NLN: variants seen among roughly 807,000 people sequenced by gnomAD.
The protein encoded by NLN is neurolysin.
NLN carries 64 observed loss-of-function variants against 79.9 expected under a neutral mutation model. The observed-to-expected ratio is 0.80, with a 90% CI of 0.65 to 0.99. The LOEUF (loss-of-function observed/expected upper bound fraction) is 0.99, where lower values mean the gene tolerates loss of function less well. Ranked by LOEUF, NLN falls within the 50% of genes least tolerant of loss-of-function variation. The pLI is 0.00. For missense variants in NLN, 835 were observed against 858.7 expected (o/e 0.97, Z 0.34); for synonymous variants, 267 against 296.6 (o/e 0.90, Z 1.02).
At chr5:65,819,070 T>A (rs1760735958) in intron 12 of NLN, 2 of 152,232 alleles carry the variant, frequency 1.3e-5, no homozygotes, top group African/African-American at 4.8e-5. Flanking sequence ...CTCTCCCACT[T>A]AATATTTCTA....
At chr5:65,725,199 A>G (rs566818690) in intron 1 of NLN, among the ~76,000 whole-genome samples, 5 of 152,202 alleles carry the variant, frequency 3.3e-5, no homozygotes, top group Non-Finnish European at 7.3e-5. Context: ...AAGCTGCTGC[A>G]CTGTTTCATT....
Position 65,792,437 on chromosome 5 carries a change from G to A in NLN, c.1326-17G>A, listed in dbSNP as rs549429265. ...GAGAATTTTCCTATGTTGCCAACGCGTGTTTCTGGCTCCTAGGGAAGGAAA... is the reference window on the plus strand; with the variant it reads ...GAGAATTTTCCTATGTTGCCAACGCATGTTTCTGGCTCCTAGGGAAGGAAA... On this transcript the variant is annotated splice_polypyrimidine_tract_variant and intron_variant, in intron 8 of 12. Transcript: ENST00000380985. The A allele has an allele frequency of 6.9e-6, 11 of 1,591,794 alleles. No individual in the cohort carries two copies. Among genetic ancestry groups the A allele is most frequent in the South Asian group, 3.3e-5 (3 of 90,342 alleles).
In NLN at chr5:65,823,574, CA is replaced by C. The variant is rs1760847763; in HGVS notation, c.*660del. On this transcript the variant is annotated 3_prime_UTR_variant, in exon 13 of 13. Coordinates refer to ENST00000380985, the MANE Select transcript of NLN (RefSeq NM_020726.5). ...CAAAGAGTATCAAAAAATTATGTTT[CA>C]GCTAGACTGGTGTAATGTATAAGTT... 2 of 152,176 alleles carry C rather than the reference CA, an allele frequency of 1.3e-5. No homozygotes were observed. Among genetic ancestry groups the C allele is most frequent in the African/African-American group, 4.8e-5 (2 of 41,452 alleles). The allele number at this position is 152,176 out of a possible 1,614,324, so 9.4% of individuals were successfully genotyped here.
At chr5:65,789,489 A>G (rs1238057315) in intron 8 of NLN, among the ~76,000 whole-genome samples, 1 of 152,124 alleles carries the variant, frequency 6.6e-6, no homozygotes, top group Non-Finnish European at 1.5e-5. Context: ...TTGAATATTG[A>G]CCACCACCCA....
chr5:65,761,467 C>T (rs1759338240), intron 2 of NLN, among the ~76,000 whole-genome samples: 1 of 151,726 alleles, frequency 6.6e-6, no homozygotes, highest in African/African-American at 2.4e-5. Context: ...TAATTTTGTA[C>T]TTTTAGTAGA....
At chr5:65,793,586 T>A (rs1456318052) in intron 9 of NLN, 1 of 151,570 alleles carries the variant, frequency 6.6e-6, no homozygotes, top group Non-Finnish European at 1.5e-5. Context: ...GAGCCATGAT[T>A]GTGCCACTGC....
At chr5:65,753,005 C>A (rs1053737974) in intron 1 of NLN, among the ~76,000 whole-genome samples, 9 of 152,156 alleles carry the variant, frequency 5.9e-5, no homozygotes, top group Admixed American at 5.9e-4. Flanking sequence ...GGAGAAATAG[C>A]TTTTCACTAG....
intron 9 of NLN, among the ~76,000 whole-genome samples, chr5:65,796,968 G>T (rs570686257): frequency 6.6e-6 from 1 of 152,336 alleles, no homozygotes; most frequent in Non-Finnish European, 1.5e-5. Flanking sequence ...ATTTAAACAT[G>T]TTGGCAAGAA....
Position 65,822,964 on chromosome 5 carries a change from AC to A in NLN, c.*51del. On this transcript the variant is annotated 3_prime_UTR_variant, in exon 13 of 13. Transcript: ENST00000380985. The stretch of plus-strand genomic sequence containing the variant: ...CATGTCTGGAGGACAAGTCGACATC[AC>A]CATGTGTTACTGGCCTGGAAACTGA... 1 of 1,520,878 alleles carries A rather than the reference AC, an allele frequency of 6.6e-7. No individual in the cohort carries two copies. Among genetic ancestry groups the A allele is most frequent in the South Asian group, 1.1e-5 (1 of 87,172 alleles). 94.2% of individuals were successfully genotyped at this position (1,520,878 alleles called of 1,614,324 possible).
chr5:65,795,544 G>A (rs983690913), intron 9 of NLN, among the ~76,000 whole-genome samples: 22 of 152,058 alleles, frequency 1.4e-4, no homozygotes, highest in African/African-American at 4.3e-4. Flanking sequence ...AAAATTAGCC[G>A]GGCATAGTGG....
chr5:65,762,618 G>A (rs1296789287), intron 2 of NLN, among the ~76,000 whole-genome samples: 2 of 151,412 alleles, frequency 1.3e-5, no homozygotes, highest in Non-Finnish European at 2.9e-5. Flanking sequence ...CAGGAGGATT[G>A]CTTGAGCCTG....
At chr5:65,782,309 G>A (rs1759818798) in intron 6 of NLN, among the ~76,000 whole-genome samples, 1 of 152,146 alleles carries the variant, frequency 6.6e-6, no homozygotes. Flanking sequence ...AATCCCAAGG[G>A]TTGCTTTAGG....
At chr5:65,806,706 A>T (rs758873810) in intron 9 of NLN, among the ~76,000 whole-genome samples, 3 of 152,222 alleles carry the variant, frequency 2.0e-5, no homozygotes, top group Non-Finnish European at 4.4e-5. Context: ...GGATTTTAGA[A>T]TATTACATAA....
At position 65,727,141 on chromosome 5, in the gene NLN, T is replaced by C. The variant is rs532809463; in HGVS notation, c.41+4727T>C. 4.6e-5 allele frequency among the ~76,000 whole-genome samples: 7 copies of C among 152,326 alleles called. No individual in the cohort carries two copies. The East Asian group carries it at 1.2e-3, about 25-fold the overall frequency. ...ACCTTAAAAAAATCACTCACTCCCT[T>C]GGACCTCTTTCAAGTTATGTACCTA... is the stretch of plus-strand genomic sequence containing the variant. On this transcript the variant is annotated intron_variant, in intron 1 of 12. Coordinates refer to ENST00000380985, the MANE Select transcript of NLN (RefSeq NM_020726.5).
At chr5:65,781,224 T>G in intron 5 of NLN, 37 bp from the exon 6 acceptor site, 1 of 1,478,798 alleles carries the variant, frequency 6.8e-7, no homozygotes, top group Non-Finnish European at 9.4e-7. Flanking sequence ...CAGCAATGAG[T>G]GGAAAATTTG....
intron 1 of NLN, among the ~76,000 whole-genome samples, chr5:65,729,527 A>T (rs1412254294): frequency 6.6e-6 from 1 of 151,884 alleles, no homozygotes; most frequent in Non-Finnish European, 1.5e-5. Context: ...GGCACCTGCC[A>T]CCACGCCCAG....
intron 1 of NLN, among the ~76,000 whole-genome samples, chr5:65,736,181 A>G (rs577448664): frequency 1.3e-5 from 2 of 152,208 alleles, no homozygotes; most frequent in African/African-American, 4.8e-5. Context: ...GCTTTTCTTT[A>G]TAAACATTAC....
intron 1 of NLN, among the ~76,000 whole-genome samples, chr5:65,750,299 A>G (rs574510765): frequency 2.6e-5 from 4 of 152,346 alleles, no homozygotes; most frequent in Middle Eastern, 3.4e-3. Flanking sequence ...TGAATTTTTT[A>G]TTTTATTTAC....
rs762863254 is a variant in NLN at position 65,810,082 on chromosome 5, C to T, written c.1760C>T (p.Ser587Phe). The change falls in exon 11 of 13, where the codon TCT becomes TTT. Residue 587 changes from serine (S) to phenylalanine (F), a missense_variant. By Grantham distance (155) the Ser-to-Phe change is radical (BLOSUM62 -2). Coordinates refer to ENST00000380985, the MANE Select transcript of NLN (RefSeq NM_020726.5). ...RQIVLSKVDQ[S>F]LHTNTSLDAA... ...ATTGTTTTGAGCAAAGTTGATCAGT[C>T]TCTTCATACCAACACATCGCTGGAT... 8 of 1,613,954 alleles carry T rather than the reference C, an allele frequency of 5.0e-6. No individual in the cohort carries two copies. The highest frequency in any genetic ancestry group is 1.3e-5 in the African/African-American group (1 of 75,064).
Sources: allele counts gnomAD v4.1 joint callset (sites outside exome capture counted in the v4.1 genomes callset), GRCh38; gene constraint gnomAD v4.1.1; transcripts MANE v1.5; gene names NCBI Gene and HGNC (gene_info 2026-07-23, HGNC 2026-07-21).